CAST: variants seen among roughly 807,000 people sequenced by gnomAD.
The protein encoded by CAST is MIR583 host.
A neutral mutation model predicts 119.6 loss-of-function variants in CAST; 76 were observed. The observed-to-expected ratio is 0.64, with a 90% CI of 0.53 to 0.77. The LOEUF is 0.77. Among genes scored for constraint, CAST ranks in the 30% least tolerant of loss-of-function variants. The probability of loss-of-function intolerance (pLI) is 0.00; values close to 1 mark genes in which losing one functional copy is unlikely to be tolerated. For missense variants in CAST, 953 were observed against 946.5 expected, an observed-to-expected ratio of 1.01 and a Z score of -0.09; for synonymous variants, 319 against 331.6, an observed-to-expected ratio of 0.96 and a Z score of 0.41.
the CAST span, among the ~76,000 whole-genome samples, chr5:96,411,993 T>G: frequency 6.6e-6 from 1 of 152,144 alleles, no homozygotes; most frequent in African/African-American, 2.4e-5. Context: ...CTAAACTAGG[T>G]TGCAGAACAG....
chr5:96,439,113 G>A, the CAST span, among the ~76,000 whole-genome samples: 14,754 of 152,090 alleles, frequency 0.097, 2,465 homozygotes, highest in African/African-American at 0.34. Flanking sequence ...TGGTTGCATA[G>A]CTTTCCATTA....
At chr5:96,074,369 G>T in the CAST span, among the ~76,000 whole-genome samples, 2 of 152,298 alleles carry the variant, frequency 1.3e-5, no homozygotes, top group South Asian at 4.2e-4. Flanking sequence ...GGTCACGAGG[G>T]TTGGACCTTC....
the CAST span, among the ~76,000 whole-genome samples, chr5:96,356,372 A>G: frequency 6.6e-6 from 1 of 151,996 alleles, no homozygotes; most frequent in African/African-American, 2.4e-5. Context: ...CTTTTGTTGC[A>G]ATTGCTTTAG....
At chr5:96,432,872 A>G in the CAST span, 1 of 1,613,356 alleles carries the variant, frequency 6.2e-7, no homozygotes. Context: ...CCTGACCCAA[A>G]AGGTCATAGC....
At chr5:96,252,161 A>C in the CAST span, among the ~76,000 whole-genome samples, 4 of 152,138 alleles carry the variant, frequency 2.6e-5, no homozygotes, top group Non-Finnish European at 5.9e-5. Context: ...TAAAGGAAGA[A>C]GTGGCAAAAA....
At chr5:96,054,999 A>G in the CAST span, among the ~76,000 whole-genome samples, 8 of 152,306 alleles carry the variant, frequency 5.3e-5, no homozygotes, top group African/African-American at 1.9e-4. Context: ...AAAGTACCTC[A>G]CAAACATTAG....
intron 1 of CAST, among the ~76,000 whole-genome samples, chr5:96,622,180 G>A (rs1291881238): frequency 6.6e-6 from 1 of 151,784 alleles, no homozygotes; most frequent in East Asian, 1.9e-4. Context: ...ATGTTGGCCA[G>A]GACGGTCTCT....
intron 1 of CAST, among the ~76,000 whole-genome samples, chr5:96,651,316 G>A (rs887645167): frequency 1.3e-5 from 2 of 152,184 alleles, no homozygotes; most frequent in African/African-American, 4.8e-5. Flanking sequence ...ACATTCTAAC[G>A]TGGGACAGAG....
intron 1 of CAST, among the ~76,000 whole-genome samples, chr5:96,630,515 G>A (rs1008265657): frequency 3.3e-5 from 5 of 152,126 alleles, no homozygotes; most frequent in South Asian, 2.1e-4. Context: ...GGCCAGGTGC[G>A]GTGGCTCATA....
chr5:96,036,380 G>C, the CAST span, among the ~76,000 whole-genome samples: 1 of 151,926 alleles, frequency 6.6e-6, no homozygotes, highest in South Asian at 2.1e-4. Flanking sequence ...GACTGAATTT[G>C]GCCCATAAAC....
chr5:96,056,325 G>A, the CAST span, among the ~76,000 whole-genome samples: 3 of 152,100 alleles, frequency 2.0e-5, no homozygotes, highest in African/African-American at 7.2e-5. Context: ...CTTCTTTGGG[G>A]TAACTAATGA....
At chr5:96,705,512 TA>T (rs1258635834) in intron 3 of CAST, among the ~76,000 whole-genome samples, 1 of 152,122 alleles carries the variant, frequency 6.6e-6, no homozygotes, top group Non-Finnish European at 1.5e-5. Context: ...TAATCAATCA[TA>T]CCGTTAGCAA....
chr5:96,492,888 G>A, the CAST span, among the ~76,000 whole-genome samples: 2 of 152,238 alleles, frequency 1.3e-5, no homozygotes, highest in African/African-American at 2.4e-5. Context: ...AAGCGTTTCA[G>A]TGAAATCAAA....
the CAST span, chr5:96,411,000 C>G: frequency 6.3e-7 from 1 of 1,578,022 alleles, no homozygotes; most frequent in Non-Finnish European, 8.7e-7. Context: ...AAGGAAAAGC[C>G]AGAATGCATA....
chr5:96,155,620 C>T, the CAST span, among the ~76,000 whole-genome samples: 19 of 152,206 alleles, frequency 1.2e-4, no homozygotes, highest in Admixed American at 9.8e-4. Context: ...CACCAGGGGA[C>T]CCACTGCATT....
chr5:96,638,488 C>T (rs1348059671), intron 1 of CAST, among the ~76,000 whole-genome samples: 1 of 152,202 alleles, frequency 6.6e-6, no homozygotes, highest in Non-Finnish European at 1.5e-5. Flanking sequence ...AATTGCTTCT[C>T]TTCCATAGGA....
the CAST span, among the ~76,000 whole-genome samples, chr5:96,496,496 A>G: frequency 6.6e-6 from 1 of 152,266 alleles, no homozygotes; most frequent in African/African-American, 2.4e-5. Flanking sequence ...TGGCATATGG[A>G]TAGGCTTAGA....
the CAST span, among the ~76,000 whole-genome samples, chr5:96,104,107 T>G: frequency 2.0e-5 from 3 of 152,158 alleles, no homozygotes; most frequent in East Asian, 5.8e-4. Flanking sequence ...TAAATTTGTT[T>G]GAGTTCATTG....
the CAST span, among the ~76,000 whole-genome samples, chr5:96,095,994 G>C: frequency 1.3e-5 from 2 of 152,084 alleles, no homozygotes; most frequent in African/African-American, 4.8e-5. Context: ...TGATTTTGTA[G>C]ACATCAGCTA....
Sources: allele counts gnomAD v4.1 joint callset (sites outside exome capture counted in the v4.1 genomes callset), GRCh38; gene constraint gnomAD v4.1.1; transcripts MANE v1.5; gene names NCBI Gene and HGNC (gene_info 2026-07-23, HGNC 2026-07-21).